UQCR11: variants seen among roughly 807,000 people sequenced by gnomAD.
UQCR11 encodes the protein cytochrome b-c1 complex subunit 10.
A neutral mutation model predicts 7.6 loss-of-function variants in UQCR11; 10 were observed. The ratio of observed to expected loss-of-function variants is 1.31; its 90% CI spans 0.81 to 2.22. The LOEUF (loss-of-function observed/expected upper bound fraction) is 2.22, where lower values mean the gene tolerates loss of function less well. UQCR11 is among the 30% of genes most tolerant of loss of function. The pLI is 0.00. For missense variants in UQCR11, 86 were observed against 75.1 expected (o/e 1.15, Z -0.54); for synonymous variants, 34 against 34.9 (o/e 0.97, Z 0.09).
At chr19:1,599,183 G>T in intron 2 of UQCR11, 1 of 492,776 alleles carries the variant, frequency 2.0e-6, no homozygotes, top group Non-Finnish European at 3.6e-6. Flanking sequence ...TCCAGAGGGA[G>T]GGCGAGGCCC....
intron 1 of UQCR11, 109 bp from the exon 2 acceptor site, chr19:1,599,669 T>TGGCACCTGTGCCCGCCC: frequency 6.8e-7 from 1 of 1,474,688 alleles, no homozygotes; most frequent in Non-Finnish European, 9.0e-7. Flanking sequence ...GGTGCGGGCC[T>TGGCACCTGTGCCCGCCC]GGCACCTGTG....
At chr19:1,604,751 A>G (rs763423859) in intron 1 of UQCR11, among the ~76,000 whole-genome samples, 1 of 151,620 alleles carries the variant, frequency 6.6e-6, no homozygotes, top group Non-Finnish European at 1.5e-5. Context: ...CTGGTCTCGA[A>G]CTCCTGACCT....
intron 1 of UQCR11, among the ~76,000 whole-genome samples, chr19:1,603,462 G>A (rs533138000): frequency 3.8e-3 from 573 of 152,186 alleles, no homozygotes; most frequent in Non-Finnish European, 6.4e-3. Flanking sequence ...AAAATTAGCC[G>A]GGCGTGGTGG....
chr19:1,602,842 G>GA (rs2060751181), intron 1 of UQCR11, among the ~76,000 whole-genome samples: 1 of 152,174 alleles, frequency 6.6e-6, no homozygotes, highest in Non-Finnish European at 1.5e-5. Flanking sequence ...CCCCATGTAG[G>GA]ACCCTGTGGA....
intron 1 of UQCR11, among the ~76,000 whole-genome samples, chr19:1,602,789 A>G (rs1009473094): frequency 2.6e-5 from 4 of 152,170 alleles, no homozygotes; most frequent in African/African-American, 9.7e-5. Context: ...GCTCATAAAT[A>G]TGCCCAGTGG....
chr19:1,598,847 AG>A, intron 2 of UQCR11: 1 of 155,642 alleles, frequency 6.4e-6, no homozygotes, highest in Non-Finnish European at 1.4e-5. Flanking sequence ...CAGGGCTCTG[AG>A]GCCCAGGTTC....
At chr19:1,605,233 C>A in intron 1 of UQCR11, 127 bp downstream of exon 1, 1 of 1,177,398 alleles carries the variant, frequency 8.5e-7, no homozygotes, top group Non-Finnish European at 1.1e-6. Context: ...CCTCTGTCAC[C>A]GGGAACAACA....
Position 1,605,349 on chromosome 19 carries a change from G to C in UQCR11, c.50+11C>G. On this transcript the variant is annotated intron_variant, in intron 1 of 2. Coordinates refer to ENST00000591899, the MANE Select transcript of UQCR11 (RefSeq NM_006830.4). ...GGGAGCGCGGATGGGGCCGCGGGTC[G>C]GCGTCCTCACCAGTTCTTGACCAGC... 6.4e-7 allele frequency: 1 copy of C among 1,570,474 alleles called. No individual in the cohort carries two copies. The highest frequency in any genetic ancestry group is 8.6e-7 in the Non-Finnish European group (1 of 1,162,830).
intron 1 of UQCR11, among the ~76,000 whole-genome samples, chr19:1,601,144 G>C (rs2060746060): frequency 1.3e-5 from 2 of 152,186 alleles, no homozygotes; most frequent in Non-Finnish European, 1.5e-5. Flanking sequence ...TCTCTAGCCT[G>C]GGTGACAAAG....
intron 1 of UQCR11, among the ~76,000 whole-genome samples, chr19:1,602,671 C>A (rs931560454): frequency 6.6e-6 from 1 of 152,080 alleles, no homozygotes; most frequent in Non-Finnish European, 1.5e-5. Flanking sequence ...AGGCTCTTCT[C>A]GAACTCCTGA....
At chr19:1,599,222 G>A (rs575840704) in intron 2 of UQCR11, 190 bp downstream of exon 2, 6 of 654,478 alleles carry the variant, frequency 9.2e-6, no homozygotes, top group Admixed American at 3.1e-5. Context: ...CCAAGGCTGC[G>A]GGGCGGACAG....
intron 1 of UQCR11, 31 bp downstream of exon 1, chr19:1,605,329 C>A: frequency 7.1e-6 from 11 of 1,554,886 alleles, no homozygotes; most frequent in Non-Finnish European, 6.1e-6. Context: ...GAGGCGGGAG[C>A]GCGGATGGGG....
chr19:1,600,237 C>G (rs1235878923), intron 1 of UQCR11, among the ~76,000 whole-genome samples: 2 of 125,048 alleles, frequency 1.6e-5, no homozygotes, highest in Non-Finnish European at 1.6e-5. Context: ...TTTTTTGAGA[C>G]GGAGTCTTGC....
At chr19:1,604,678 C>A (rs1285113403) in intron 1 of UQCR11, among the ~76,000 whole-genome samples, 1 of 152,200 alleles carries the variant, frequency 6.6e-6, no homozygotes, top group Admixed American at 6.5e-5. Flanking sequence ...GAGGCACCCG[C>A]CACCACGCCT....
rs1210776174 is a variant in UQCR11 at position 1,599,516 on chromosome 19, AGCCCCACGGCGCCCACAGC to A, written c.76_94del (p.Ala26TrpfsTer9). The A allele has an allele frequency of 6.2e-7, 1 of 1,613,164 alleles. No homozygotes were observed. Among genetic ancestry groups the A allele is most frequent in the Non-Finnish European group, 8.5e-7 (1 of 1,180,018 alleles). On this transcript the variant is annotated frameshift_variant, in exon 2 of 3. Transcript: ENST00000591899. LOFTEE classifies it high-confidence loss of function. Reference sequence around the variant, plus strand: ...CAGCCGCCAATCGGTGGCCCACACCAGCCCCACGGCGCCCACAGCGCCCCATGTGTAGGCCGTCGGGACC... The same window carrying A: ...CAGCCGCCAATCGGTGGCCCACACCAGCCCCATGTGTAGGCCGTCGGGACC...
At chr19:1,601,599 CAAA>C (rs56108793) in intron 1 of UQCR11, among the ~76,000 whole-genome samples, 6 of 81,174 alleles carry the variant, frequency 7.4e-5, no homozygotes, top group Admixed American at 1.4e-4. Context: ...GACACCGTCT[CAAA>C]AAAAAAAAAA....
At chr19:1,598,593 C>G (rs1220710452) in intron 2 of UQCR11, among the ~76,000 whole-genome samples, 1 of 152,100 alleles carries the variant, frequency 6.6e-6, no homozygotes, top group Non-Finnish European at 1.5e-5. Flanking sequence ...CACCTGTAGT[C>G]CCAGCTACTT....
intron 2 of UQCR11, 141 bp downstream of exon 2, chr19:1,599,271 C>T: frequency 1.7e-6 from 2 of 1,155,144 alleles, no homozygotes; most frequent in East Asian, 2.5e-5. Flanking sequence ...AAGGGGCACC[C>T]AGGGCCCCAC....
intron 1 of UQCR11, among the ~76,000 whole-genome samples, chr19:1,604,774 CT>C (rs1342787325): frequency 2.0e-5 from 3 of 152,202 alleles, no homozygotes; most frequent in Non-Finnish European, 4.4e-5. Flanking sequence ...GGTGATCCAC[CT>C]GCCTCGGCCT....
Sources: allele counts gnomAD v4.1 joint callset (sites outside exome capture counted in the v4.1 genomes callset), GRCh38; gene constraint gnomAD v4.1.1; transcripts MANE v1.5; gene names NCBI Gene and HGNC (gene_info 2026-07-23, HGNC 2026-07-21).